Variants in ATP11C observed in about 807,000 individuals in gnomAD.
ATP11C encodes phospholipid-transporting ATPase IG.
ATP11C carries 36 observed loss-of-function variants against 97.4 expected under a neutral mutation model. That is an observed-to-expected ratio of 0.37 (90% confidence interval 0.28 to 0.49). ATP11C has a LOEUF of 0.49. ATP11C is among the 20% of genes least tolerant of loss of function. ATP11C has a pLI of 0.98. For missense variants in ATP11C, 730 were observed against 824.6 expected (o/e 0.89, Z 1.40); for synonymous variants, 275 against 290.9 (o/e 0.95, Z 0.56).
At chrX:139,798,246 A>G in intron 10 of ATP11C, 27 bp downstream of exon 10, 1 of 1,149,539 alleles carries the variant, frequency 8.7e-7, no homozygotes. Flanking sequence ...ATCAATAATG[A>G]CTAAATAAAT....
chrX:139,860,268 C>T (rs1446092868), intron 1 of ATP11C, among the ~76,000 whole-genome samples: 1 of 110,899 alleles, frequency 9.0e-6, no homozygotes, highest in Non-Finnish European at 1.9e-5. Flanking sequence ...TAAAACTGCA[C>T]CATTTATGCC....
chrX:139,910,553 C>T (rs2497278), intron 1 of ATP11C, among the ~76,000 whole-genome samples: 4,642 of 108,097 alleles, frequency 0.043, 271 homozygotes, highest in African/African-American at 0.15. Context: ...TTGCAGTGAG[C>T]CGAGATTCTG....
At chrX:139,935,626 CTATT>C (rs2085512865), upstream of ATP11C, among the ~76,000 whole-genome samples, 1 of 111,340 alleles carries the variant, frequency 9.0e-6, no homozygotes, top group South Asian at 3.8e-4. Flanking sequence ...TATAATTCTG[CTATT>C]TATTCTCTCA....
intron 2 of ATP11C, among the ~76,000 whole-genome samples, chrX:139,820,079 G>C (rs191446968): frequency 9.0e-6 from 1 of 110,795 alleles, no homozygotes; most frequent in African/African-American, 3.3e-5. Flanking sequence ...CCAGCTACTC[G>C]GGCGGCTGAG....
At position 139,822,067 on chromosome X, in the gene ATP11C, C is replaced by A. The variant is rs749002932; in HGVS notation, c.148-2640G>T. On this transcript the variant is annotated intron_variant, in intron 2 of 29. Coordinates refer to ENST00000682941, the MANE Select transcript of ATP11C (RefSeq NM_001353812.2). ...CTACAAATCAAAAACAATGTTATCT[C>A]AAGCATGACCTCTATGGCAAAAAAA... is the stretch of plus-strand genomic sequence containing the variant. Among the ~76,000 whole-genome samples the A allele has an allele frequency of 2.7e-5, 3 of 109,186 alleles. No individual in the cohort carries two copies. The East Asian group carries it at 8.4e-4, about 31-fold the overall frequency. 94.8% of individuals were successfully genotyped at this position (109,186 alleles called of 115,157 possible). A position where few individuals can be genotyped will look rare whatever the true frequency, so the allele number is the denominator to read the frequency against.
In ATP11C at chrX:139,768,363, C is replaced by A; in HGVS notation, c.2288G>T (p.Ser763Ile). ...GSTLSLILNS[S>I]QDSSSNNYKS... is the part of the protein sequence containing the mutation. The stretch of plus-strand genomic sequence containing the variant: ...GTAATTGTTTGAACTAGAGTCTTGA[C>A]TAGAATTTAGTATGAGTGACAATGT... Residue 763 changes from serine (S) to isoleucine (I), a missense_variant, in exon 20 of 30, where the codon AGT becomes ATT. Physicochemically the swap from Ser to Ile is moderately radical, Grantham distance 142. Transcript: ENST00000682941. The A allele has an allele frequency of 8.5e-7, 1 of 1,177,517 alleles. No homozygotes were observed. The highest frequency in any genetic ancestry group is 1.1e-6 in the Non-Finnish European group (1 of 876,035).
chrX:139,927,205 A>T (rs1024701775), intron 1 of ATP11C, among the ~76,000 whole-genome samples: 6 of 111,838 alleles, frequency 5.4e-5, no homozygotes, highest in African/African-American at 2.0e-4. Flanking sequence ...TGTCTTGCTC[A>T]TCTACGACCC....
chrX:139,775,836 T>G (rs1416572093), intron 18 of ATP11C, among the ~76,000 whole-genome samples: 1 of 112,649 alleles, frequency 8.9e-6, no homozygotes, highest in African/African-American at 3.2e-5. Flanking sequence ...ACCACTGTGT[T>G]TGTGCTGCTG....
In ATP11C at chrX:139,740,310, T is replaced by C. The variant is rs2081529379; in HGVS notation, c.3134+681A>G. On this transcript the variant is annotated intron_variant, in intron 27 of 29. Coordinates refer to ENST00000682941, the MANE Select transcript of ATP11C (RefSeq NM_001353812.2). ...AACTCTCCCAATCACAGCTTATGTG[T>C]CCCTCACTGGACTCTATTCTCCTTG... 3.6e-5 allele frequency among the ~76,000 whole-genome samples: 4 copies of C among 111,711 alleles called. No homozygotes were observed. In the South Asian group the frequency reaches 1.5e-3, roughly 42 times the overall value.
chrX:139,789,440 T>C lies in ATP11C; in HGVS notation c.1255A>G (p.Met419Val). The change falls in exon 13 of 30, where the codon ATG (methionine) becomes GTG (valine). Residue 419 changes from methionine to valine, a missense_variant. By Grantham distance (21) the Met-to-Val change is conservative. Coordinates refer to ENST00000682941, the MANE Select transcript of ATP11C (RefSeq NM_001353812.2). ...DKTGTLTENS[M>V]EFIECCIDGH... ...TCTATGCAGCATTCAATGAATTCCA[T>C]GCTGTTTTCAGTGAGTGTTCCAGTC... is the stretch of plus-strand genomic sequence containing the variant. 1 of 1,205,493 alleles carries C rather than the reference T, an allele frequency of 8.3e-7. No homozygotes were observed. Among genetic ancestry groups the C allele is most frequent in the Non-Finnish European group, 1.1e-6 (1 of 892,202 alleles).
intron 1 of ATP11C, among the ~76,000 whole-genome samples, 156 bp downstream of exon 1, chrX:139,931,860 C>G (rs946638225): frequency 4.5e-5 from 5 of 110,997 alleles, no homozygotes; most frequent in African/African-American, 1.6e-4. Flanking sequence ...CCTCCCCGGC[C>G]GCCTGGGCAC....
intron 15 of ATP11C, among the ~76,000 whole-genome samples, chrX:139,786,270 T>TA (rs2082571014): frequency 1.8e-5 from 2 of 111,903 alleles, no homozygotes; most frequent in Non-Finnish European, 3.8e-5. Context: ...TAGTATTTTT[T>TA]AAAAAAAGTA....
intron 1 of ATP11C, 108 bp from the exon 2 acceptor site, chrX:139,826,931 A>T: frequency 6.2e-6 from 5 of 808,131 alleles, no homozygotes; most frequent in Non-Finnish European, 1.7e-6. Context: ...CTGGCGAGAA[A>T]GTAGTAGGGA....
intron 15 of ATP11C, among the ~76,000 whole-genome samples, 184 bp from the exon 16 acceptor site, chrX:139,785,483 T>C (rs780757520): frequency 8.9e-6 from 1 of 111,772 alleles, no homozygotes; most frequent in African/African-American, 3.3e-5. Flanking sequence ...AGGACACCAG[T>C]GTTAGTTAAG....
chrX:139,789,582 A>T, intron 12 of ATP11C, 94 bp from the exon 13 acceptor site: 1 of 649,138 alleles, frequency 1.5e-6, no homozygotes. Context: ...ATCCATAGGA[A>T]ATCACCCCTT....
At chrX:139,885,616 A>G (rs1365882998) in intron 1 of ATP11C, 1 of 112,161 alleles carries the variant, frequency 8.9e-6, no homozygotes, top group Non-Finnish European at 1.9e-5. Context: ...CATAAAATAC[A>G]AGAGAATAAG....
chrX:139,734,810 A>C (rs994641050), intron 28 of ATP11C, among the ~76,000 whole-genome samples: 11 of 111,508 alleles, frequency 9.9e-5, no homozygotes, highest in Non-Finnish European at 1.9e-4. Context: ...ATTGCTAAAA[A>C]TACAGCTGAT....
intron 1 of ATP11C, among the ~76,000 whole-genome samples, chrX:139,850,986 A>G (rs2083980439): frequency 8.9e-6 from 1 of 111,829 alleles, no homozygotes; most frequent in Non-Finnish European, 1.9e-5. Context: ...TACAGAATGA[A>G]AAAGCATTCC....
rs1389609305 is a variant in ATP11C at position 139,933,030 on chromosome X, G to A, written c.-988C>T. On this transcript the variant is annotated 5_prime_UTR_variant, in exon 1 of 30. Transcript: ENST00000682941. ...GCCTTCTTACTTCCACTTTCTCTGA[G>A]GTTGTAAAGTCAGGCTTTGTGTCGT... 1 of 112,138 alleles carries A rather than the reference G, an allele frequency of 8.9e-6. No individual in the cohort carries two copies. The highest frequency in any genetic ancestry group is 1.9e-5 in the Non-Finnish European group (1 of 53,131). The allele number at this position is 112,138 out of a possible 1,213,427, so 9.2% of individuals were successfully genotyped here. A position where few individuals can be genotyped will look rare whatever the true frequency, so the allele number is the denominator to read the frequency against.
Sources: allele counts gnomAD v4.1 joint callset (sites outside exome capture counted in the v4.1 genomes callset), GRCh38; gene constraint gnomAD v4.1.1; transcripts MANE v1.5; gene names NCBI Gene and HGNC (gene_info 2026-07-23, HGNC 2026-07-21).